VPS13B: variants seen among roughly 807,000 people sequenced by gnomAD.
The protein encoded by VPS13B is intermembrane lipid transfer protein VPS13B.
Under a neutral mutation model 426.4 loss-of-function variants are expected in VPS13B, and 285 were observed. The observed-to-expected ratio is 0.67, with a 90% CI of 0.61 to 0.74. The LOEUF (loss-of-function observed/expected upper bound fraction) is 0.74. Ranked by LOEUF, VPS13B falls within the 30% of genes least tolerant of loss-of-function variation. The pLI, the probability that VPS13B is intolerant of heterozygous loss-of-function variation, is 0.00. For missense variants in VPS13B, 4,537 were observed against 4,782.6 expected, an observed-to-expected ratio of 0.95 and a Z score of 1.51; for synonymous variants, 1,676 against 1,676.4, an observed-to-expected ratio of 1.00 and a Z score of 0.01.
chr8:99,442,654 T>G lies in VPS13B; in HGVS notation c.3445+19T>G. 1.2e-6 allele frequency: 2 copies of G among 1,607,434 alleles called. No individual in the cohort carries two copies. Among genetic ancestry groups the G allele is most frequent in the Non-Finnish European group, 1.7e-6 (2 of 1,174,972 alleles). On this transcript the variant is annotated intron_variant, in intron 23 of 61. Coordinates refer to ENST00000357162, the MANE Select transcript of VPS13B (RefSeq NM_152564.5). ...GAAGAAGGTATATGTTAACATTTTT[T>G]TCCTATGGTTAATGTTTTATATGGA...
intron 30 of VPS13B, among the ~76,000 whole-genome samples, chr8:99,550,604 T>C (rs1057143548): frequency 2.0e-5 from 3 of 151,982 alleles, no homozygotes; most frequent in East Asian, 1.9e-4. Context: ...TATTGTGCTC[T>C]ATATCCTTCC....
chr8:99,255,076 A>G (rs1197190863), intron 17 of VPS13B, among the ~76,000 whole-genome samples: 1 of 150,436 alleles, frequency 6.6e-6, no homozygotes, highest in Non-Finnish European at 1.5e-5. Flanking sequence ...TATATTTCAC[A>G]TTGGGTAATT....
chr8:99,616,455 T>C (rs1186640146), intron 33 of VPS13B, among the ~76,000 whole-genome samples: 5 of 152,234 alleles, frequency 3.3e-5, no homozygotes, highest in African/African-American at 9.6e-5. Flanking sequence ...ACACTTAGGG[T>C]GAACTTTGAA....
At chr8:99,516,025 T>C (rs1022519845) in intron 29 of VPS13B, among the ~76,000 whole-genome samples, 1 of 152,214 alleles carries the variant, frequency 6.6e-6, no homozygotes, top group South Asian at 2.1e-4. Flanking sequence ...TCTTTACTTA[T>C]AATTGTACTT....
intron 23 of VPS13B, among the ~76,000 whole-genome samples, chr8:99,463,699 T>A (rs1818951523): frequency 6.6e-6 from 1 of 152,206 alleles, no homozygotes; most frequent in Admixed American, 6.5e-5. Context: ...CTGTCTATTT[T>A]ATTTTATTTT....
chr8:99,534,233 T>C (rs1209602791), intron 30 of VPS13B, among the ~76,000 whole-genome samples: 2 of 152,234 alleles, frequency 1.3e-5, no homozygotes, highest in African/African-American at 4.8e-5. Context: ...CTGCATCTTT[T>C]GTGGCTTCCT....
intron 35 of VPS13B, among the ~76,000 whole-genome samples, chr8:99,692,818 A>G (rs1157307282): frequency 3.3e-4 from 49 of 147,550 alleles, no homozygotes; most frequent in Non-Finnish European, 1.0e-4. Flanking sequence ...AAAGAAAAAA[A>G]GAGAGAAGAA....
chr8:99,087,486 C>A (rs1312834440), intron 3 of VPS13B, among the ~76,000 whole-genome samples: 1 of 151,982 alleles, frequency 6.6e-6, no homozygotes. Context: ...TCTGACACTC[C>A]CCAGTGAGAT....
chr8:99,262,765 T>C (rs182386302), intron 17 of VPS13B, among the ~76,000 whole-genome samples: 1 of 140,910 alleles, frequency 7.1e-6, no homozygotes, highest in Non-Finnish European at 1.5e-5. Context: ...ATGTTTTGGA[T>C]GGTCTGTTGT....
chr8:99,761,788 G>GT (rs1456715987), intron 39 of VPS13B, among the ~76,000 whole-genome samples: 1 of 151,908 alleles, frequency 6.6e-6, no homozygotes, highest in Non-Finnish European at 1.5e-5. Context: ...TTGTACTTGT[G>GT]TTTATGCAAC....
intron 19 of VPS13B, among the ~76,000 whole-genome samples, chr8:99,301,870 G>A (rs919676926): frequency 2.6e-5 from 4 of 151,842 alleles, no homozygotes; most frequent in South Asian, 2.1e-4. Flanking sequence ...CAAGAGATCC[G>A]TCTGCCTTGG....
chr8:99,079,930 A>C (rs1385393247), intron 3 of VPS13B, among the ~76,000 whole-genome samples: 4 of 151,658 alleles, frequency 2.6e-5, no homozygotes, highest in Non-Finnish European at 5.9e-5. Flanking sequence ...CATCTCAAAA[A>C]AAAAAAAAAG....
At chr8:99,652,162 C>T (rs1268114660) in intron 34 of VPS13B, among the ~76,000 whole-genome samples, 1 of 152,026 alleles carries the variant, frequency 6.6e-6, no homozygotes, top group African/African-American at 2.4e-5. Context: ...AATGAAGGGT[C>T]AAACTTGAAA....
At chr8:99,116,154 A>G (rs1847642888) in intron 7 of VPS13B, among the ~76,000 whole-genome samples, 1 of 151,416 alleles carries the variant, frequency 6.6e-6, no homozygotes, top group African/African-American at 2.4e-5. Context: ...CAGCCTCCCA[A>G]GTAGCTGGGA....
chr8:99,644,562 A>T (rs1202216164), intron 34 of VPS13B, among the ~76,000 whole-genome samples: 1 of 152,100 alleles, frequency 6.6e-6, no homozygotes, highest in East Asian at 1.9e-4. Context: ...GCTAGATTTA[A>T]TATAGGGGTG....
At chr8:99,285,993 C>G (rs935245368) in intron 19 of VPS13B, among the ~76,000 whole-genome samples, 6 of 152,086 alleles carry the variant, frequency 3.9e-5, no homozygotes, top group African/African-American at 1.2e-4. Context: ...ATTTTCACCT[C>G]CCTCTGACTT....
chr8:99,130,878 A>C lies in VPS13B; in HGVS notation c.1207-3754A>C, dbSNP rs557022296. Among the ~76,000 whole-genome samples, 4 of 152,290 alleles carry C rather than the reference A, an allele frequency of 2.6e-5. No individual in the cohort carries two copies. The South Asian group carries it at 8.3e-4, about 32-fold the overall frequency. On this transcript the variant is annotated intron_variant, in intron 8 of 61. Transcript: ENST00000357162. ...GAGTCTACATTACATAAAAATATAAAATATAAAAAGCTTTATTATAAAGAA... is the reference window on the plus strand; with the variant it reads ...GAGTCTACATTACATAAAAATATAACATATAAAAAGCTTTATTATAAAGAA...
intron 19 of VPS13B, among the ~76,000 whole-genome samples, chr8:99,373,693 G>C (rs900579157): frequency 2.6e-5 from 4 of 151,978 alleles, no homozygotes. Context: ...CATCGTCTCT[G>C]CAAAAAATAT....
intron 17 of VPS13B, among the ~76,000 whole-genome samples, chr8:99,229,796 T>C (rs553190417): frequency 6.6e-6 from 1 of 152,302 alleles, no homozygotes; most frequent in Admixed American, 6.5e-5. Context: ...ACAGTAAGAA[T>C]TTTGGATTTT....
Sources: allele counts gnomAD v4.1 joint callset (sites outside exome capture counted in the v4.1 genomes callset), GRCh38; gene constraint gnomAD v4.1.1; transcripts MANE v1.5; gene names NCBI Gene and HGNC (gene_info 2026-07-23, HGNC 2026-07-21).